Variants in RASL11B observed in about 807,000 individuals in gnomAD.
The protein encoded by RASL11B is RAS like family 11 member B, also known as ras-like protein family member 11B.
A neutral mutation model predicts 22.9 loss-of-function variants in RASL11B; 14 were observed. The observed-to-expected ratio is 0.61, with a 90% CI of 0.40 to 0.96. The LOEUF is 0.96. Ranked by LOEUF, RASL11B falls within the 40% of genes least tolerant of loss-of-function variation. The pLI is 0.00. For synonymous variants in RASL11B, 143 were observed against 130.2 expected, an observed-to-expected ratio of 1.10 and a Z score of -0.67; for missense variants, 261 against 322.0, an observed-to-expected ratio of 0.81 and a Z score of 1.45.
In RASL11B at chr4:52,863,269, A is replaced by G. The variant is rs780446275; in HGVS notation, c.144A>G (p.Ala48=). The G allele has an allele frequency of 1.2e-6, 2 of 1,613,644 alleles. No individual in the cohort carries two copies. The highest frequency in any genetic ancestry group is 8.5e-7 in the Non-Finnish European group (1 of 1,179,740). ...GACGTTCTTTTTTCTGACGTGCAGC[A>G]CTGGTGGTCCGGTTCCTCACCAAAC... is the stretch of plus-strand genomic sequence containing the variant. ...VVGASGVGKT[A]LVVRFLTKRF... The change falls in exon 2 of 4, where the codon GCA becomes GCG. Residue 48 remains alanine, a splice_region_variant and synonymous_variant. Coordinates refer to ENST00000248706, the MANE Select transcript of RASL11B (RefSeq NM_023940.3).
rs1279452222 is a variant in RASL11B at position 52,865,485 on chromosome 4, A to T, written c.427A>T (p.Thr143Ser). The change falls in exon 4 of 4, where the codon ACC becomes TCC. Residue 143 changes from threonine to serine, a missense_variant. Coordinates refer to ENST00000248706, the MANE Select transcript of RASL11B (RefSeq NM_023940.3). ...GCACGTGCAGCAGCTACACCTGGGC[A>T]CCCGGCTGCCTGTGGTGGTCGTGGC... ...HQHVQQLHLG[T>S]RLPVVVVANK... is the part of the protein sequence containing the mutation. 9 of 1,614,084 alleles carry T rather than the reference A, an allele frequency of 5.6e-6. No individual in the cohort carries two copies. Among genetic ancestry groups the T allele is most frequent in the Non-Finnish European group, 7.6e-6 (9 of 1,180,048 alleles).
rs1718242494 is a variant in RASL11B at position 52,865,633 on chromosome 4, G to C, written c.575G>C (p.Ser192Thr). Residue 192 changes from serine (S) to threonine (T), a missense_variant, in exon 4 of 4, where the codon AGC (serine) becomes ACC (threonine). Transcript: ENST00000248706. The part of the protein sequence containing the change: ...SVSENYNDVY[S>T]AFHVLCKEVS... ...AGTGAAAATTATAATGATGTCTACA[G>C]CGCCTTCCACGTCCTCTGTAAAGAG... 6.2e-7 allele frequency: 1 copy of C among 1,614,028 alleles called. No individual in the cohort carries two copies.
chr4:52,863,516 C>T (rs1718202263), intron 2 of RASL11B, 192 bp downstream of exon 2: 1 of 601,450 alleles, frequency 1.7e-6, no homozygotes, highest in Non-Finnish European at 3.0e-6. Context: ...CATTCCATTC[C>T]AAGCCCATTC....
intron 2 of RASL11B, 30 bp from the exon 3 acceptor site, chr4:52,864,448 G>T (rs2109427891): frequency 7.3e-7 from 1 of 1,366,692 alleles, no homozygotes; most frequent in East Asian, 2.3e-5. Flanking sequence ...CAAGAAGGAA[G>T]AACATAATCT....
At chr4:52,864,831 C>A (rs1718228077) in intron 3 of RASL11B, among the ~76,000 whole-genome samples, 1 of 152,180 alleles carries the variant, frequency 6.6e-6, no homozygotes, top group African/African-American at 2.4e-5. Context: ...GTTTTCCTTG[C>A]TGTGGTTTAA....
In RASL11B at chr4:52,864,479, T is replaced by C; in HGVS notation, c.201T>C (p.Gly67=). 1 of 1,581,380 alleles carries C rather than the reference T, an allele frequency of 6.3e-7. No homozygotes were observed. The highest frequency in any genetic ancestry group is 8.7e-7 in the Non-Finnish European group (1 of 1,150,660). The change falls in exon 3 of 4, where the codon GGT becomes GGC. Residue 67 remains glycine (G), a splice_region_variant and synonymous_variant. Transcript: ENST00000248706. ...RFIGDYERNA[G]NLYTRQVQIE... is the part of the protein sequence containing the mutation. ...AATCTCTTTTATTTGCCTTCATAGGTAATCTCTATACTAGACAAGTTCAGA... is the reference window on the plus strand; with the variant it reads ...AATCTCTTTTATTTGCCTTCATAGGCAATCTCTATACTAGACAAGTTCAGA...
Position 52,865,686 on chromosome 4 carries a change from A to T in RASL11B, c.628A>T (p.Thr210Ser), listed in dbSNP as rs144066219. 7 of 1,614,040 alleles carry T rather than the reference A, an allele frequency of 4.3e-6. No homozygotes were observed. Among genetic ancestry groups the T allele is most frequent in the Admixed American group, 1.7e-5 (1 of 60,006 alleles). Reference protein sequence around the residue: ...EVSHKQQPSSTPEKRRTSLIP... With the variant: ...EVSHKQQPSSSPEKRRTSLIP... ...CAGTCACAAACAGCAGCCTAGCAGTACACCCGAGAAGCGAAGAACCTCCCT... is the reference window on the plus strand; with the variant it reads ...CAGTCACAAACAGCAGCCTAGCAGTTCACCCGAGAAGCGAAGAACCTCCCT... The change falls in exon 4 of 4, where the codon ACA becomes TCA. Residue 210 changes from threonine to serine, a missense_variant. Physicochemically the swap from Thr to Ser is moderately conservative, Grantham distance 58. Transcript: ENST00000248706.
chr4:52,865,442 C>T lies in RASL11B; in HGVS notation c.384C>T (p.Leu128=), dbSNP rs1422266933. ...TCACTGACTACAAGAGCTATGAACT[C>T]ATCAGCCAGCTCCACCAGCACGTGC... is the stretch of plus-strand genomic sequence containing the variant. The part of the protein sequence containing the change: ...FSITDYKSYE[L]ISQLHQHVQQ... Residue 128 remains leucine (L), a synonymous_variant, in exon 4 of 4, where the codon CTC becomes CTT. Coordinates refer to ENST00000248706, the MANE Select transcript of RASL11B (RefSeq NM_023940.3). 3 of 1,614,196 alleles carry T rather than the reference C, an allele frequency of 1.9e-6. No individual in the cohort carries two copies. In the East Asian group the frequency reaches 6.7e-5, roughly 36 times the overall value.
intron 3 of RASL11B, 108 bp downstream of exon 3, chr4:52,864,662 C>A: frequency 1.3e-6 from 1 of 772,024 alleles, no homozygotes; most frequent in South Asian, 1.5e-5. Context: ...TTTGGGGAGT[C>A]ACATCTAGAC....
At position 52,865,451 on chromosome 4, in the gene RASL11B, G is replaced by C; in HGVS notation, c.393G>C (p.Gln131His). 6.2e-7 allele frequency: 1 copy of C among 1,614,186 alleles called. No individual in the cohort carries two copies. Among genetic ancestry groups the C allele is most frequent in the Non-Finnish European group, 8.5e-7 (1 of 1,180,038 alleles). Residue 131 changes from glutamine to histidine, a missense_variant, in exon 4 of 4, where the codon CAG (glutamine) becomes CAC (histidine). By Grantham distance (24) the Gln-to-His change is conservative. Transcript: ENST00000248706. The stretch of plus-strand genomic sequence containing the variant: ...ACAAGAGCTATGAACTCATCAGCCA[G>C]CTCCACCAGCACGTGCAGCAGCTAC... ...TDYKSYELIS[Q>H]LHQHVQQLHL...
intron 2 of RASL11B, chr4:52,864,241 G>A (rs1377076446): frequency 4.8e-6 from 2 of 418,270 alleles, no homozygotes; most frequent in Admixed American, 4.1e-5. Flanking sequence ...TTTAAAACTA[G>A]ATAAATAAGT....
Position 52,863,250 on chromosome 4 carries a change from CTT to C in RASL11B, c.143-13_143-12del. 6.2e-7 allele frequency: 1 copy of C among 1,611,698 alleles called. No individual in the cohort carries two copies. The highest frequency in any genetic ancestry group is 8.5e-7 in the Non-Finnish European group (1 of 1,178,308). On this transcript the variant is annotated splice_polypyrimidine_tract_variant and intron_variant, in intron 1 of 3. Transcript: ENST00000248706. ...CTTCCAAGGTTAACACTTTGACGTT[CTT>C]TTTTCTGACGTGCAGCACTGGTGGT...
chr4:52,862,422 G>T lies in RASL11B; in HGVS notation c.-86G>T. ...TTATTTCTTACCGCGGAGCCCCGCAGTCGGGTCCTCCCGCCCGCTCCCGCG... is the reference window on the plus strand; with the variant it reads ...TTATTTCTTACCGCGGAGCCCCGCATTCGGGTCCTCCCGCCCGCTCCCGCG... On this transcript the variant is annotated 5_prime_UTR_variant, in exon 1 of 4. Coordinates refer to ENST00000248706, the MANE Select transcript of RASL11B (RefSeq NM_023940.3). The T allele has an allele frequency of 1.5e-6, 2 of 1,328,374 alleles. No homozygotes were observed. The highest frequency in any genetic ancestry group is 2.0e-6 in the Non-Finnish European group (2 of 981,582). The allele number at this position is 1,328,374 out of a possible 1,614,324, so 82.3% of individuals were successfully genotyped here.
At chr4:52,863,646 T>TA (rs368078680) in intron 2 of RASL11B, 6,821 of 194,434 alleles carry the variant, frequency 0.035, 50 homozygotes, top group East Asian at 0.076. Context: ...GCAAAAGTCG[T>TA]AAAAAAAAAA....
rs1324035836 is a variant in RASL11B, at chr4:52,866,789, A to T, written c.*984A>T. ...AAAAGCCACTCATGCTTTGGCTTAA[A>T]CTGTAATTAATTTATTTTATGTACA... is the stretch of plus-strand genomic sequence containing the variant. On this transcript the variant is annotated 3_prime_UTR_variant, in exon 4 of 4. Coordinates refer to ENST00000248706, the MANE Select transcript of RASL11B (RefSeq NM_023940.3). The T allele has an allele frequency of 6.5e-6, 1 of 152,674 alleles. No homozygotes were observed. Among genetic ancestry groups the T allele is most frequent in the East Asian group, 1.9e-4 (1 of 5,202 alleles). The allele number at this position is 152,674 out of a possible 1,614,324, so 9.5% of individuals were successfully genotyped here.
rs759146855 is a variant in RASL11B at position 52,865,699 on chromosome 4, G to A, written c.641G>A (p.Arg214Gln). The A allele has an allele frequency of 1.5e-5, 25 of 1,613,978 alleles. No individual in the cohort carries two copies. Among genetic ancestry groups the A allele is most frequent in the Admixed American group, 3.3e-5 (2 of 59,998 alleles). Residue 214 changes from arginine (R) to glutamine (Q), a missense_variant, in exon 4 of 4, where the codon CGA (arginine) becomes CAA (glutamine). By Grantham distance (43) the Arg-to-Gln change is conservative. Transcript: ENST00000248706. ...KQQPSSTPEK[R>Q]RTSLIPRPKS... The stretch of plus-strand genomic sequence containing the variant: ...CAGCCTAGCAGTACACCCGAGAAGC[G>A]AAGAACCTCCCTCATTCCCAGGCCC...
chr4:52,863,815 A>C (rs1190710812), intron 2 of RASL11B, among the ~76,000 whole-genome samples: 2 of 152,202 alleles, frequency 1.3e-5, no homozygotes, highest in African/African-American at 4.8e-5. Flanking sequence ...TTTTAGGAGG[A>C]GAATTCCCGA....
At chr4:52,864,316 GT>G in intron 2 of RASL11B, 161 bp from the exon 3 acceptor site, 1 of 581,286 alleles carries the variant, frequency 1.7e-6, no homozygotes, top group Non-Finnish European at 3.1e-6. Flanking sequence ...AATTGCTGTT[GT>G]TTTTTAAAAA....
chr4:52,862,409 G>C lies in RASL11B; in HGVS notation c.-99G>C. On this transcript the variant is annotated 5_prime_UTR_variant, in exon 1 of 4. Coordinates refer to ENST00000248706, the MANE Select transcript of RASL11B (RefSeq NM_023940.3). ...TTATTTATTGTTGTTATTTCTTACC[G>C]CGGAGCCCCGCAGTCGGGTCCTCCC... 1.0e-6 allele frequency: 1 copy of C among 996,162 alleles called. No homozygotes were observed. The allele number at this position is 996,162 out of a possible 1,614,324, so 61.7% of individuals were successfully genotyped here.
Sources: allele counts gnomAD v4.1 joint callset (sites outside exome capture counted in the v4.1 genomes callset), GRCh38; gene constraint gnomAD v4.1.1; transcripts MANE v1.5; gene names NCBI Gene and HGNC (gene_info 2026-07-23, HGNC 2026-07-21).